The following RASAL2 variants were observed in gnomAD, a reference collection of about 807,000 sequenced individuals.
RASAL2 encodes the protein ras GTPase-activating protein nGAP.
A neutral mutation model predicts 128.9 loss-of-function variants in RASAL2; 58 were observed. That is an observed-to-expected ratio of 0.45 (90% CI 0.36 to 0.56). The LOEUF is 0.56. Among genes scored for constraint, RASAL2 ranks in the 20% least tolerant of loss-of-function variants. The pLI is 0.00. For missense variants in RASAL2, 1,360 were observed against 1,601.6 expected (o/e 0.85, Z 2.57); for synonymous variants, 561 against 580.8 (o/e 0.97, Z 0.49).
chr1:178,265,848 G>C, intron 1 of RASAL2, among the ~76,000 whole-genome samples: 1 of 152,118 alleles, frequency 6.6e-6, no homozygotes, highest in East Asian at 1.9e-4. Context: ...ACCCAATTTT[G>C]ATGTTTAAAC....
intron 1 of RASAL2, among the ~76,000 whole-genome samples, chr1:178,158,386 T>G (rs1271665359): frequency 6.6e-6 from 1 of 152,186 alleles, no homozygotes; most frequent in Non-Finnish European, 1.5e-5. Flanking sequence ...TTTTTGAGGA[T>G]TAAGTGAGAC....
intron 16 of RASAL2, among the ~76,000 whole-genome samples, chr1:178,466,559 T>A (rs1176955289): frequency 6.6e-6 from 1 of 152,214 alleles, no homozygotes; most frequent in African/African-American, 2.4e-5. Flanking sequence ...CAAACACTTG[T>A]ATAGCACTCG....
intron 3 of RASAL2, among the ~76,000 whole-genome samples, chr1:178,355,459 T>G (rs1045486315): frequency 1.3e-5 from 2 of 152,214 alleles, no homozygotes; most frequent in Middle Eastern, 3.2e-3. Context: ...GATTATTTCT[T>G]AACAATTTAC....
Position 178,478,590 on chromosome 1 carries a change from G to A in RASAL2, c.*5351G>A. ...CTAAATAATTTATTTTTTATTTCAA[G>A]AAAGAGAAATACACCTTAGAAAAAC... On this transcript the variant is annotated 3_prime_UTR_variant, in exon 18 of 18. Coordinates refer to ENST00000367649, the MANE Select transcript of RASAL2 (RefSeq NM_170692.4). The A allele has an allele frequency of 6.6e-6, 1 of 152,090 alleles. No homozygotes were observed. The highest frequency in any genetic ancestry group is 1.9e-4 in the East Asian group (1 of 5,204). The allele number at this position is 152,090 out of a possible 1,614,324, so 9.4% of individuals were successfully genotyped here.
chr1:178,146,359 T>G lies in RASAL2; in HGVS notation c.202+51665T>G, dbSNP rs1660730520. On this transcript the variant is annotated intron_variant, in intron 1 of 17. Coordinates refer to ENST00000367649, the MANE Select transcript of RASAL2 (RefSeq NM_170692.4). Reference sequence around the variant, plus strand: ...TTTGCAAACTGACGTAGGCGAAGCCTTGCAGGCTTTATTTAGCCTGTATAA... The same window carrying G: ...TTTGCAAACTGACGTAGGCGAAGCCGTGCAGGCTTTATTTAGCCTGTATAA... 3.9e-5 allele frequency among the ~76,000 whole-genome samples: 6 copies of G among 152,240 alleles called. No homozygotes were observed. In the South Asian group the frequency reaches 1.2e-3, roughly 32 times the overall value.
At position 178,466,054 on chromosome 1, in the gene RASAL2, G is replaced by A; in HGVS notation, c.3522G>A (p.Glu1174=). The A allele has an allele frequency of 6.3e-7, 1 of 1,583,242 alleles. No homozygotes were observed. The highest frequency in any genetic ancestry group is 1.2e-5 in the South Asian group (1 of 86,504). The part of the protein sequence containing the change: ...KLLLEYKARL[E]DSEERLRRQQ... ...TGCTGGAATACAAGGCCCGACTGGA[G>A]GACAGCGAGGAGCGGCTCCGAAGAC... The change falls in exon 16 of 18, where the codon GAG becomes GAA. Residue 1174 remains glutamate, a synonymous_variant. Transcript: ENST00000367649.
chr1:178,383,448 G>A (rs541527539), intron 3 of RASAL2, among the ~76,000 whole-genome samples: 7 of 152,260 alleles, frequency 4.6e-5, no homozygotes, highest in African/African-American at 1.2e-4. Flanking sequence ...GTTAGCAGCC[G>A]TATAAATGCA....
At chr1:178,443,559 G>A (rs555637720) in intron 8 of RASAL2, among the ~76,000 whole-genome samples, 23 of 152,148 alleles carry the variant, frequency 1.5e-4, no homozygotes, top group Non-Finnish European at 3.1e-4. Flanking sequence ...TTTAGTTCTA[G>A]AGTGTTGTAT....
At chr1:178,393,510 G>A (rs1015573353) in intron 4 of RASAL2, among the ~76,000 whole-genome samples, 6 of 152,128 alleles carry the variant, frequency 3.9e-5, no homozygotes, top group African/African-American at 7.2e-5. Context: ...AAGTCGATGG[G>A]GAGCAGCTGT....
chr1:178,347,265 C>T (rs1670199742), intron 3 of RASAL2, among the ~76,000 whole-genome samples: 2 of 152,174 alleles, frequency 1.3e-5, no homozygotes, highest in South Asian at 4.2e-4. Context: ...ATTATAAACC[C>T]ATTTTCATTT....
At chr1:178,363,533 A>G (rs991099250) in intron 3 of RASAL2, among the ~76,000 whole-genome samples, 2 of 152,194 alleles carry the variant, frequency 1.3e-5, no homozygotes, top group African/African-American at 2.4e-5. Flanking sequence ...CCAAAGTTAG[A>G]TTTAAATTAA....
At chr1:178,403,810 A>G (rs1278312473) in intron 4 of RASAL2, among the ~76,000 whole-genome samples, 2 of 152,198 alleles carry the variant, frequency 1.3e-5, no homozygotes, top group Non-Finnish European at 2.9e-5. Context: ...TTTTTTAAAA[A>G]TAGATTGATA....
intron 1 of RASAL2, among the ~76,000 whole-genome samples, chr1:178,109,032 C>T (rs1659200727): frequency 6.6e-6 from 1 of 152,136 alleles, no homozygotes; most frequent in African/African-American, 2.4e-5. Context: ...TATGTTTGAT[C>T]AAGCCAGTGA....
chr1:178,247,489 A>G (rs1402087937), intron 1 of RASAL2, among the ~76,000 whole-genome samples: 4 of 151,868 alleles, frequency 2.6e-5, no homozygotes, highest in South Asian at 2.1e-4. Context: ...CTAGTAGTCT[A>G]TCTATTTTGT....
At chr1:178,321,710 C>T (rs551307540) in intron 3 of RASAL2, among the ~76,000 whole-genome samples, 32 of 151,586 alleles carry the variant, frequency 2.1e-4, no homozygotes, top group African/African-American at 7.7e-4. Flanking sequence ...TTTTGTAGGT[C>T]GGGTGCAGTG....
intron 1 of RASAL2, among the ~76,000 whole-genome samples, chr1:178,111,980 C>G (rs1329413374): frequency 1.3e-5 from 2 of 152,130 alleles, no homozygotes; most frequent in Admixed American, 1.3e-4. Flanking sequence ...CTGCCTGCCT[C>G]CACCTCCCAA....
chr1:178,271,529 T>A (rs1666258355), intron 1 of RASAL2, among the ~76,000 whole-genome samples: 1 of 152,202 alleles, frequency 6.6e-6, no homozygotes, highest in East Asian at 1.9e-4. Context: ...TCCAGTTTTT[T>A]TTTGTAGGCC....
chr1:178,361,713 G>A (rs1010026315), intron 3 of RASAL2, among the ~76,000 whole-genome samples: 2 of 151,776 alleles, frequency 1.3e-5, no homozygotes, highest in African/African-American at 4.8e-5. Flanking sequence ...CGGGGGTGGG[G>A]GTTGGTTTTG....
At chr1:178,441,375 G>A (rs527798160) in intron 6 of RASAL2, among the ~76,000 whole-genome samples, 174 bp from the exon 7 acceptor site, 99 of 152,200 alleles carry the variant, frequency 6.5e-4, no homozygotes, top group African/African-American at 2.3e-3. Context: ...TGTAACCACA[G>A]CATGAGTAGT....
Sources: gnomAD v4.1 joint callset for allele counts (sites outside exome capture counted in the v4.1 genomes callset) on GRCh38, gnomAD v4.1.1 for gene constraint, MANE v1.5 for transcripts, NCBI Gene and HGNC (gene_info 2026-07-23, HGNC 2026-07-21) for gene names.